SYT1: variants seen among roughly 807,000 people sequenced by gnomAD.
The protein encoded by SYT1 is synaptotagmin 1, also known as synaptotagmin-1.
In SYT1, 8 loss-of-function variants were observed where a neutral mutation model predicts 44.8. The ratio of observed to expected loss-of-function variants is 0.18; its 90% confidence interval spans 0.10 to 0.32. SYT1 has a LOEUF of 0.32. SYT1 is among the 10% of genes least tolerant of loss of function. The probability of loss-of-function intolerance (pLI) is 1.00; values close to 1 mark genes in which losing one functional copy is unlikely to be tolerated. For missense variants in SYT1, 286 were observed against 509.3 expected, an observed-to-expected ratio of 0.56 and a Z score of 4.22; for synonymous variants, 154 against 188.8, an observed-to-expected ratio of 0.82 and a Z score of 1.51.
chr12:79,128,631 T>C (rs1385136595), intron 3 of SYT1, among the ~76,000 whole-genome samples: 1 of 152,240 alleles, frequency 6.6e-6, no homozygotes, highest in Admixed American at 6.5e-5. Context: ...AACATGCCCC[T>C]GCAAAATTTG....
intron 3 of SYT1, among the ~76,000 whole-genome samples, chr12:79,069,902 G>A (rs1876147054): frequency 6.6e-6 from 1 of 152,040 alleles, no homozygotes; most frequent in Non-Finnish European, 1.5e-5. Context: ...ATAGAATTAA[G>A]TCTCATTGTC....
At chr12:79,441,222 G>A (rs918053884) in intron 9 of SYT1, among the ~76,000 whole-genome samples, 3 of 152,046 alleles carry the variant, frequency 2.0e-5, no homozygotes, top group South Asian at 2.1e-4. Flanking sequence ...GTCAATCTGC[G>A]AAGGCAAAGA....
intron 1 of SYT1, among the ~76,000 whole-genome samples, chr12:78,957,666 G>A (rs369661212): frequency 3.5e-4 from 54 of 152,202 alleles, no homozygotes; most frequent in Non-Finnish European, 5.4e-4. Context: ...GTCAAATAGC[G>A]TGCTGAACTG....
intron 9 of SYT1, among the ~76,000 whole-genome samples, chr12:79,414,743 T>C (rs1438627797): frequency 1.3e-5 from 2 of 152,074 alleles, no homozygotes; most frequent in East Asian, 3.9e-4. Context: ...TCTAAGGCAA[T>C]GAAATTTTGT....
chr12:79,109,634 T>A (rs1035598361), intron 3 of SYT1, among the ~76,000 whole-genome samples: 2 of 152,208 alleles, frequency 1.3e-5, no homozygotes, highest in Non-Finnish European at 2.9e-5. Flanking sequence ...ATTCAAAGCA[T>A]AATAGAGATT....
chr12:78,940,548 C>A (rs1878293467), intron 1 of SYT1, among the ~76,000 whole-genome samples: 1 of 151,504 alleles, frequency 6.6e-6, no homozygotes, highest in Non-Finnish European at 1.5e-5. Context: ...TGCCACCATG[C>A]ACAGCTGATT....
chr12:79,436,580 C>T (rs1338162202), intron 9 of SYT1, among the ~76,000 whole-genome samples: 2 of 152,186 alleles, frequency 1.3e-5, no homozygotes, highest in Non-Finnish European at 2.9e-5. Flanking sequence ...ATACAAAAAG[C>T]GTTTAGTGGC....
intron 2 of SYT1, among the ~76,000 whole-genome samples, chr12:79,039,773 TC>T (rs1873404960): frequency 1.0e-5 from 1 of 97,680 alleles, no homozygotes. Context: ...CCCTTCCCCC[TC>T]CCCCCACCCA....
chr12:79,054,519 A>T (rs1356672666), intron 3 of SYT1, among the ~76,000 whole-genome samples: 2 of 152,020 alleles, frequency 1.3e-5, no homozygotes, highest in African/African-American at 4.8e-5. Flanking sequence ...TACAGTGGAC[A>T]TTCACCATAT....
intron 3 of SYT1, among the ~76,000 whole-genome samples, chr12:79,082,588 G>A (rs943552114): frequency 6.6e-6 from 1 of 152,128 alleles, no homozygotes; most frequent in East Asian, 1.9e-4. Context: ...AAAATAAGTT[G>A]AGCAGTGATG....
At chr12:78,942,402 A>T (rs940185858) in intron 1 of SYT1, among the ~76,000 whole-genome samples, 50 of 152,116 alleles carry the variant, frequency 3.3e-4, no homozygotes, top group Admixed American at 2.8e-3. Context: ...AATATGCCTA[A>T]CTTTTCAGAC....
intron 8 of SYT1, among the ~76,000 whole-genome samples, chr12:79,299,846 C>T (rs975487892): frequency 6.6e-6 from 1 of 152,146 alleles, no homozygotes; most frequent in Non-Finnish European, 1.5e-5. Flanking sequence ...AAAGGCCACA[C>T]ACACTCATAA....
chr12:79,166,984 G>A (rs1359513321), intron 3 of SYT1, among the ~76,000 whole-genome samples: 1 of 152,014 alleles, frequency 6.6e-6, no homozygotes, highest in Non-Finnish European at 1.5e-5. Context: ...GATCTATAAT[G>A]AAAGTGCTTT....
In SYT1 at chr12:79,202,044, C is replaced by T. The variant is rs192748362; in HGVS notation, c.-17-15459C>T. On this transcript the variant is annotated intron_variant, in intron 3 of 10. Coordinates refer to ENST00000261205, the MANE Select transcript of SYT1 (RefSeq NM_005639.3). ...AATAAAACATGAAAAGGCAATTTAG[C>T]TCCATGTATTGCTCTTGTCAGTAAG... Among the ~76,000 whole-genome samples the T allele has an allele frequency of 1.5e-3, 228 of 152,178 alleles. 1 individual carries two copies. The highest frequency in any genetic ancestry group is 5.2e-3 in the African/African-American group (217 of 41,508).
At chr12:79,261,265 A>G (rs777766758) in intron 4 of SYT1, among the ~76,000 whole-genome samples, 12 of 152,230 alleles carry the variant, frequency 7.9e-5, no homozygotes, top group Non-Finnish European at 1.6e-4. Context: ...GATCTATGCC[A>G]CATCTACTAT....
chr12:79,242,910 C>G (rs1306877455), intron 4 of SYT1, among the ~76,000 whole-genome samples: 1 of 152,054 alleles, frequency 6.6e-6, no homozygotes, highest in Non-Finnish European at 1.5e-5. Context: ...AAGAAATACC[C>G]AAGACTGGGT....
chr12:79,250,461 C>T (rs149265466), intron 4 of SYT1, among the ~76,000 whole-genome samples: 1 of 152,282 alleles, frequency 6.6e-6, no homozygotes, highest in East Asian at 1.9e-4. Context: ...GAACAGACCA[C>T]TTAAAATATT....
rs181547287 is a variant in SYT1, at chr12:79,012,221, C to T, written c.-84+34290C>T. On this transcript the variant is annotated intron_variant, in intron 2 of 10. Coordinates refer to ENST00000261205, the MANE Select transcript of SYT1 (RefSeq NM_005639.3). ...GTACCTGAGAACCTGGAATTTGTAG[C>T]GGTAAGAGGTCCAGACTCTATTTTT... Among the ~76,000 whole-genome samples, 26 of 151,526 alleles carry T rather than the reference C, an allele frequency of 1.7e-4. No individual in the cohort carries two copies. In the East Asian group the frequency reaches 4.5e-3, roughly 26 times the overall value.
chr12:79,072,483 TATTTAA>T lies in SYT1; in HGVS notation c.-18+25127_-18+25132del, dbSNP rs1350571340. Among the ~76,000 whole-genome samples the T allele has an allele frequency of 3.7e-4, 57 of 152,256 alleles. 2 individuals carry two copies. The highest frequency in any genetic ancestry group is 1.9e-4 in the East Asian group (1 of 5,184). On this transcript the variant is annotated intron_variant, in intron 3 of 10. Coordinates refer to ENST00000261205, the MANE Select transcript of SYT1 (RefSeq NM_005639.3). ...AGATTAACACATTTTATCTATAAGT[TATTTAA>T]ATTTATATACATATCCAACCTGAAA...
Sources: allele counts gnomAD v4.1 joint callset (sites outside exome capture counted in the v4.1 genomes callset), GRCh38; gene constraint gnomAD v4.1.1; transcripts MANE v1.5; gene names NCBI Gene and HGNC (gene_info 2026-07-23, HGNC 2026-07-21).